Variants in CDC20B observed in about 807,000 individuals in gnomAD.
CDC20B encodes cell division cycle 20B, also known as cell division cycle protein 20 homolog B.
In CDC20B, 58 loss-of-function variants were observed where a neutral mutation model predicts 64.1. That is an observed-to-expected ratio of 0.90 (90% CI 0.73 to 1.13). The LOEUF is 1.13. Among genes scored for constraint, CDC20B ranks in the 50% most tolerant of loss-of-function variants. CDC20B has a pLI of 0.00. For synonymous variants in CDC20B, 243 were observed against 230.6 expected (o/e 1.05, Z -0.49); for missense variants, 597 against 633.0 (o/e 0.94, Z 0.61).
At chr5:55,134,262 C>T (rs893491672) in intron 5 of CDC20B, among the ~76,000 whole-genome samples, 2 of 152,062 alleles carry the variant, frequency 1.3e-5, no homozygotes, top group African/African-American at 4.8e-5. Context: ...CTTGTGGTGT[C>T]TATGACCAGA....
At chr5:55,149,687 AT>A (rs1282549678) in intron 2 of CDC20B, among the ~76,000 whole-genome samples, 1 of 152,206 alleles carries the variant, frequency 6.6e-6, no homozygotes, top group Non-Finnish European at 1.5e-5. Context: ...CAGATTGGTC[AT>A]TGTCAGGGAT....
At chr5:55,143,097 C>T (rs1032667823) in intron 4 of CDC20B, among the ~76,000 whole-genome samples, 1 of 152,030 alleles carries the variant, frequency 6.6e-6, no homozygotes, top group Admixed American at 6.6e-5. Context: ...ATTTAAAAGA[C>T]CATCATATAG....
At chr5:55,161,256 G>A (rs866893181) in intron 2 of CDC20B, 1 of 1,612,712 alleles carries the variant, frequency 6.2e-7, no homozygotes, top group East Asian at 2.2e-5. Flanking sequence ...TTTCTTGTTG[G>A]TAAATATCTG....
At chr5:55,156,397 A>G (rs985567122) in intron 2 of CDC20B, among the ~76,000 whole-genome samples, 26 of 152,202 alleles carry the variant, frequency 1.7e-4, no homozygotes, top group African/African-American at 6.3e-4. Context: ...TTACACAGAA[A>G]CAGTTTCATG....
At chr5:55,157,122 T>C (rs1743834604) in intron 2 of CDC20B, among the ~76,000 whole-genome samples, 1 of 152,202 alleles carries the variant, frequency 6.6e-6, no homozygotes, top group African/African-American at 2.4e-5. Context: ...CATGAACTCA[T>C]CAATCTCTTC....
chr5:55,143,663 C>T lies in CDC20B; in HGVS notation c.356-20G>A. ...GGGATCCTACAAGAAAGACATTTAT[C>T]TTTGAATTTGGTTTTTAAAACAAGA... On this transcript the variant is annotated intron_variant, in intron 3 of 11. Coordinates refer to ENST00000381375, the MANE Select transcript of CDC20B (RefSeq NM_001170402.1). The T allele has an allele frequency of 6.4e-7, 1 of 1,560,884 alleles. No individual in the cohort carries two copies. Among genetic ancestry groups the T allele is most frequent in the Non-Finnish European group, 8.7e-7 (1 of 1,153,236 alleles).
chr5:55,155,157 G>A (rs991799847), intron 2 of CDC20B, among the ~76,000 whole-genome samples: 1 of 152,154 alleles, frequency 6.6e-6, no homozygotes, highest in African/African-American at 2.4e-5. Context: ...CATCAGTTCA[G>A]CTTGTTTACC....
intron 5 of CDC20B, among the ~76,000 whole-genome samples, chr5:55,138,733 A>G (rs1326668448): frequency 1.0e-5 from 1 of 98,100 alleles, no homozygotes; most frequent in African/African-American, 3.1e-5. Context: ...AGGATGCTGT[A>G]AAAAAAAAAA....
intron 2 of CDC20B, among the ~76,000 whole-genome samples, chr5:55,148,545 C>T (rs1277414764): frequency 6.6e-6 from 1 of 152,142 alleles, no homozygotes; most frequent in Non-Finnish European, 1.5e-5. Context: ...AAAACCCTGT[C>T]TCTACAAAAA....
In CDC20B at chr5:55,114,218, C is replaced by G. The variant is rs762644545; in HGVS notation, c.1560G>C (p.Ter520TyrextTer14). The G allele has an allele frequency of 3.9e-5, 63 of 1,613,284 alleles. 1 individual carries two copies. In the South Asian group the frequency reaches 6.0e-4, roughly 15 times the overall value. Residue 520 changes from the stop codon to tyrosine, a stop_lost, in exon 12 of 12, where the codon TAG becomes TAC. Transcript: ENST00000381375. This position sits in a 1 kb window ranked among gnomAD's most constrained non-coding sequence, Gnocchi z 4.1. ...AACTGAAACCTAGAGGGGCTGGGTG[C>G]TAGTAGCAATTCCATACAGAGGCCG... ...DGTASVWNCY[*>Y]
At position 55,127,357 on chromosome 5, in the gene CDC20B, A is replaced by G. The variant is rs1742920266; in HGVS notation, c.895-6T>C. On this transcript the variant is annotated splice_region_variant and splice_polypyrimidine_tract_variant and intron_variant, in intron 7 of 11. Coordinates refer to ENST00000381375, the MANE Select transcript of CDC20B (RefSeq NM_001170402.1). ...TTAGTTACCACATCCCATAACTGAA[A>G]AAATGAACAAGGAGAGTTATGTAGC... is the stretch of plus-strand genomic sequence containing the variant. 6.2e-7 allele frequency: 1 copy of G among 1,611,952 alleles called. No individual in the cohort carries two copies. Among genetic ancestry groups the G allele is most frequent in the African/African-American group, 1.3e-5 (1 of 74,896 alleles).
At chr5:55,155,302 A>G (rs1412292401) in intron 2 of CDC20B, among the ~76,000 whole-genome samples, 6 of 152,214 alleles carry the variant, frequency 3.9e-5, no homozygotes, top group Non-Finnish European at 7.3e-5. Context: ...AGAAAATAGA[A>G]ACAAATATGT....
chr5:55,138,524 A>G lies in CDC20B; in HGVS notation c.580+1790T>C, dbSNP rs553008460. On this transcript the variant is annotated intron_variant, in intron 5 of 11. Transcript: ENST00000381375. ...CTACGAAAGGAGAACTAAGCTCTTT[A>G]CCCTAGTACTATTTTTAAAACAGCA... 3.3e-5 allele frequency among the ~76,000 whole-genome samples: 5 copies of G among 152,228 alleles called. No homozygotes were observed. In the South Asian group the frequency reaches 1.0e-3, roughly 32 times the overall value.
At chr5:55,151,643 G>A (rs1743670953) in intron 2 of CDC20B, among the ~76,000 whole-genome samples, 1 of 152,198 alleles carries the variant, frequency 6.6e-6, no homozygotes. Flanking sequence ...TACCGCCTTA[G>A]CAGGTCTGAG....
chr5:55,140,280 C>G, intron 5 of CDC20B, 34 bp downstream of exon 5: 1 of 1,286,874 alleles, frequency 7.8e-7, no homozygotes, highest in Non-Finnish European at 1.1e-6. Context: ...GAGAGAGGAG[C>G]GCAGGAAAGA....
At chr5:55,160,348 G>A (rs1302108373) in intron 2 of CDC20B, 1 of 1,613,518 alleles carries the variant, frequency 6.2e-7, no homozygotes, top group Non-Finnish European at 8.5e-7. Context: ...CCTTTGAAGT[G>A]AAGGATGCAA....
At chr5:55,164,485 G>T (rs1175955717) in intron 2 of CDC20B, 2 of 233,736 alleles carry the variant, frequency 8.6e-6, no homozygotes, top group Non-Finnish European at 1.6e-5. Context: ...ATCAAGAGTA[G>T]CCAAAGAATC....
intron 6 of CDC20B, among the ~76,000 whole-genome samples, chr5:55,129,015 A>G (rs564959648): frequency 9.8e-5 from 15 of 152,308 alleles, no homozygotes; most frequent in Admixed American, 5.9e-4. Context: ...ATTTCTAACC[A>G]AAAACACCAC....
rs781304235 is a variant in CDC20B, at chr5:55,119,807, A to G, written c.1453T>C (p.Phe485Leu). The change falls in exon 11 of 12, where the codon TTT becomes CTT. Residue 485 changes from phenylalanine to leucine, a missense_variant. Phe to Leu is a conservative substitution (Grantham distance 22). This residue lies in a region of CDC20B where 353 missense variants were observed against 397.0 expected (regional missense o/e 0.89). Transcript: ENST00000381375. ...TACTCACCCATTTGCTTACCAAAAA[A>G]CCCACCTGACCTGGACACAGTGGGA... Reference protein sequence around the residue: ...TCPTVSRSGGFFGHRGRVLHL... With the variant: ...TCPTVSRSGGLFGHRGRVLHL... 4 of 1,612,198 alleles carry G rather than the reference A, an allele frequency of 2.5e-6. No individual in the cohort carries two copies. The South Asian group carries it at 4.4e-5, about 18-fold the overall frequency.
Sources: gnomAD v4.1 joint callset for allele counts (sites outside exome capture counted in the v4.1 genomes callset) on GRCh38, gnomAD v4.1.1 for gene constraint, gnomAD v4.1.1 regional missense constraint, Gnocchi (gnomAD v3.1) non-coding constraint, MANE v1.5 for transcripts, NCBI Gene and HGNC (gene_info 2026-07-23, HGNC 2026-07-21) for gene names.